The following RBM46 variants were observed in gnomAD, a reference collection of about 807,000 sequenced individuals.
The protein encoded by RBM46 is RNA binding motif protein 46, also known as probable RNA-binding protein 46.
A neutral mutation model predicts 43.3 loss-of-function variants in RBM46; 12 were observed. That is an observed-to-expected ratio of 0.28 (90% CI 0.18 to 0.45). RBM46 has a LOEUF of 0.45. Among genes scored for constraint, RBM46 ranks in the 20% least tolerant of loss-of-function variants. The pLI is 1.00. For missense variants in RBM46, 412 were observed against 639.1 expected (o/e 0.64, Z 3.83); for synonymous variants, 205 against 207.6 (o/e 0.99, Z 0.11).
intron 1 of RBM46, among the ~76,000 whole-genome samples, chr4:154,786,191 A>G (rs1397928750): frequency 6.6e-6 from 1 of 152,144 alleles, no homozygotes; most frequent in Non-Finnish European, 1.5e-5. Context: ...GGTTCAAGCA[A>G]TTCCCCAGCT....
chr4:154,791,817 G>T (rs898972585), intron 1 of RBM46, among the ~76,000 whole-genome samples: 11 of 152,228 alleles, frequency 7.2e-5, no homozygotes, highest in Middle Eastern at 3.4e-3. Flanking sequence ...GATTTTTAAG[G>T]TTTCTTATAA....
At chr4:154,820,548 G>A (rs979993827) in intron 4 of RBM46, 3 of 518,156 alleles carry the variant, frequency 5.8e-6, no homozygotes, top group Non-Finnish European at 9.7e-6. Context: ...TTTTATAATA[G>A]CCTTGTTAAT....
intron 4 of RBM46, among the ~76,000 whole-genome samples, chr4:154,810,730 A>C (rs1482022639): frequency 1.3e-5 from 2 of 152,182 alleles, no homozygotes. Context: ...GGAAGGAAAG[A>C]GTCTTTACTA....
At chr4:154,810,858 A>G (rs1392622686) in intron 4 of RBM46, among the ~76,000 whole-genome samples, 1 of 152,160 alleles carries the variant, frequency 6.6e-6, no homozygotes, top group Non-Finnish European at 1.5e-5. Context: ...TGATTAAGAA[A>G]GTTTGATTTG....
intron 4 of RBM46, among the ~76,000 whole-genome samples, chr4:154,815,264 G>A (rs1227449959): frequency 6.6e-6 from 1 of 152,004 alleles, no homozygotes; most frequent in Admixed American, 6.6e-5. Flanking sequence ...GGGGCTGTTT[G>A]AATAATGACA....
At chr4:154,827,022 C>T (rs536460471) in intron 4 of RBM46, 271 of 1,231,562 alleles carry the variant, frequency 2.2e-4, no homozygotes, top group Middle Eastern at 2.9e-4. Context: ...GCTTATTTTA[C>T]ACTAAAGAAC....
At chr4:154,810,056 T>G (rs1244223524) in intron 4 of RBM46, among the ~76,000 whole-genome samples, 1 of 152,148 alleles carries the variant, frequency 6.6e-6, no homozygotes, top group Admixed American at 6.6e-5. Flanking sequence ...TACTGGTAAT[T>G]TCCTATTTCT....
intron 4 of RBM46, among the ~76,000 whole-genome samples, chr4:154,804,814 G>GTTTTTTTTTTTTTTT (rs575968520): frequency 3.5e-5 from 4 of 113,250 alleles, no homozygotes; most frequent in African/African-American, 6.2e-5. Flanking sequence ...GATTAAGGTT[G>GTTTTTTTTTTTTTTT]TTTTTTTTTT....
chr4:154,790,454 T>C (rs1020023316), intron 1 of RBM46: 1 of 152,186 alleles, frequency 6.6e-6, no homozygotes, highest in Admixed American at 6.5e-5. Flanking sequence ...TGACTTGATA[T>C]TGCAGTACCT....
At chr4:154,800,586 T>A (rs1176513870) in intron 4 of RBM46, among the ~76,000 whole-genome samples, 2 of 152,252 alleles carry the variant, frequency 1.3e-5, no homozygotes, top group South Asian at 4.1e-4. Context: ...TACTTTCTGT[T>A]TTTTACTGTT....
At chr4:154,802,523 A>G (rs1734685889) in intron 4 of RBM46, among the ~76,000 whole-genome samples, 1 of 152,168 alleles carries the variant, frequency 6.6e-6, no homozygotes. Context: ...GTTAAAGGTA[A>G]TAGGGTTTCA....
At chr4:154,781,835 C>T (rs1479215766) in intron 1 of RBM46, 2 of 152,198 alleles carry the variant, frequency 1.3e-5, no homozygotes, top group Non-Finnish European at 2.9e-5. Context: ...ACGCCGACGA[C>T]CAACGACCGC....
chr4:154,826,982 A>G (rs1023167662), intron 4 of RBM46: 1 of 1,288,048 alleles, frequency 7.8e-7, no homozygotes, highest in Non-Finnish European at 9.8e-7. Context: ...GTTTCTAAAT[A>G]ATGATTTTAT....
At chr4:154,812,565 T>C (rs1348091355) in intron 4 of RBM46, among the ~76,000 whole-genome samples, 5 of 152,212 alleles carry the variant, frequency 3.3e-5, no homozygotes, top group Admixed American at 3.3e-4. Context: ...CCTGGTCCCC[T>C]GTTACTTGGT....
chr4:154,813,337 G>A (rs999882499), intron 4 of RBM46, among the ~76,000 whole-genome samples: 1 of 152,058 alleles, frequency 6.6e-6, no homozygotes, highest in African/African-American at 2.4e-5. Context: ...ACATGCTAAT[G>A]TTGGAGGTTT....
At chr4:154,819,459 C>T (rs1263089648) in intron 4 of RBM46, among the ~76,000 whole-genome samples, 3 of 152,152 alleles carry the variant, frequency 2.0e-5, no homozygotes, top group East Asian at 1.9e-4. Flanking sequence ...GGTGCACATA[C>T]GTTTGGGTTT....
At chr4:154,785,753 T>A (rs1201880603) in intron 1 of RBM46, among the ~76,000 whole-genome samples, 1 of 152,156 alleles carries the variant, frequency 6.6e-6, no homozygotes, top group Non-Finnish European at 1.5e-5. Flanking sequence ...TGGACTAAAT[T>A]ATTGAAGAGA....
chr4:154,819,388 T>A (rs531447025), intron 4 of RBM46, among the ~76,000 whole-genome samples: 2 of 152,252 alleles, frequency 1.3e-5, no homozygotes, highest in African/African-American at 4.8e-5. Context: ...TTCTGTTAAT[T>A]CCCAAGAGGG....
intron 4 of RBM46, among the ~76,000 whole-genome samples, chr4:154,820,675 A>G (rs1735681379): frequency 6.6e-6 from 1 of 151,932 alleles, no homozygotes; most frequent in Admixed American, 6.6e-5. Flanking sequence ...AAACAGTATT[A>G]TAAATTCGAT....
Sources: allele counts gnomAD v4.1 joint callset (sites outside exome capture counted in the v4.1 genomes callset), GRCh38; gene constraint gnomAD v4.1.1; transcripts MANE v1.5; gene names NCBI Gene and HGNC (gene_info 2026-07-23, HGNC 2026-07-21).